The following ETV7 variants were observed in gnomAD, a reference collection of about 807,000 sequenced individuals.
The protein encoded by ETV7 is transcription factor ETV7.
ETV7 carries 43 observed loss-of-function variants against 39.1 expected under a neutral mutation model. That is an observed-to-expected ratio of 1.10 (90% CI 0.86 to 1.42). The LOEUF is 1.42. Ranked by LOEUF, ETV7 falls within the 40% of genes most tolerant of loss-of-function variation. ETV7 has a pLI of 0.00. For missense variants in ETV7, 432 were observed against 442.3 expected (o/e 0.98, Z 0.21); for synonymous variants, 196 against 176.6 (o/e 1.11, Z -0.87).
exon 8 of ETV7, chr6:36,354,104 T>C (rs1286294404): frequency 6.6e-6 from 1 of 152,154 alleles, no homozygotes; most frequent in Non-Finnish European, 1.5e-5. Flanking sequence ...GTTTTTTGTC[T>C]TTTTATTATT....
intron 7 of ETV7, among the ~76,000 whole-genome samples, chr6:36,360,734 G>A (rs992875326): frequency 3.9e-5 from 6 of 152,130 alleles, no homozygotes; most frequent in African/African-American, 1.4e-4. Context: ...CCACAGCCCA[G>A]AATCCCATTT....
chr6:36,356,117 A>C (rs1052390289), intron 7 of ETV7, among the ~76,000 whole-genome samples: 1 of 152,192 alleles, frequency 6.6e-6, no homozygotes, highest in African/African-American at 2.4e-5. Context: ...TTGTCAAAGA[A>C]TTGAAGCAAT....
At chr6:36,372,638 G>C (rs865797567) in intron 4 of ETV7, among the ~76,000 whole-genome samples, 5 of 148,862 alleles carry the variant, frequency 3.4e-5, no homozygotes, top group Middle Eastern at 3.4e-3. Flanking sequence ...GTGGGGGTGG[G>C]GGTAGAAATC....
chr6:36,368,518 C>T (rs992420887), intron 6 of ETV7, among the ~76,000 whole-genome samples: 1 of 152,160 alleles, frequency 6.6e-6, no homozygotes, highest in African/African-American at 2.4e-5. Context: ...CATTCCTCAT[C>T]ATGGGAATGC....
At chr6:36,375,532 T>A (rs1331952529) in intron 3 of ETV7, among the ~76,000 whole-genome samples, 3 of 152,196 alleles carry the variant, frequency 2.0e-5, no homozygotes, top group Non-Finnish European at 2.9e-5. Flanking sequence ...TTTCTCTAGT[T>A]GGTTTTTTGT....
intron 2 of ETV7, among the ~76,000 whole-genome samples, chr6:36,382,302 T>A (rs1773695485): frequency 6.6e-6 from 1 of 152,230 alleles, no homozygotes; most frequent in Admixed American, 6.5e-5. Context: ...TTTCAATTTT[T>A]AAAAATATTT....
intron 4 of ETV7, among the ~76,000 whole-genome samples, chr6:36,371,868 C>G (rs534270127): frequency 2.0e-4 from 30 of 152,378 alleles, no homozygotes; most frequent in African/African-American, 7.0e-4. Context: ...ATCCCATGTC[C>G]TCTCCATTTG....
intron 5 of ETV7, among the ~76,000 whole-genome samples, chr6:36,370,316 C>T (rs140640418): frequency 4.1e-4 from 62 of 152,222 alleles, no homozygotes; most frequent in Admixed American, 7.2e-4. Context: ...GGGTGGATCA[C>T]CTGAGGTCAG....
intron 6 of ETV7, among the ~76,000 whole-genome samples, chr6:36,367,710 G>A (rs1055591503): frequency 7.9e-5 from 12 of 152,048 alleles, no homozygotes; most frequent in African/African-American, 2.7e-4. Context: ...TTTCTCTCTC[G>A]GGGGTAGGCA....
intron 2 of ETV7, 82 bp from the exon 3 acceptor site, chr6:36,376,117 A>G: frequency 5.9e-6 from 8 of 1,347,344 alleles, no homozygotes; most frequent in Middle Eastern, 2.6e-4. Context: ...ATCTGAGCAG[A>G]TGCTCCCCTG....
chr6:36,359,495 G>A (rs189155339), intron 7 of ETV7, among the ~76,000 whole-genome samples: 133 of 152,020 alleles, frequency 8.7e-4, no homozygotes, highest in African/African-American at 3.1e-3. Context: ...GAAAGAAAGG[G>A]GACAGTCTAC....
In ETV7 at chr6:36,360,559, C is replaced by T. The variant is rs138354412; in HGVS notation, c.909-5872G>A. 2.8e-3 allele frequency among the ~76,000 whole-genome samples: 430 copies of T among 152,198 alleles called. 5 individuals carry two copies. Among genetic ancestry groups the T allele is most frequent in the South Asian group, 0.021 (100 of 4,818 alleles). ...AGGGCCTGGATGTCTACTTACAGAGCATGCCTGAGCTGGAGAGTACACATC... is the reference window on the plus strand; with the variant it reads ...AGGGCCTGGATGTCTACTTACAGAGTATGCCTGAGCTGGAGAGTACACATC... On this transcript the variant is annotated intron_variant, in intron 7 of 7. Coordinates refer to the ETV7 transcript ENST00000339796.
Position 36,366,418 on chromosome 6 carries a change from TC to T in ETV7, c.*226del. On this transcript the variant is annotated 3_prime_UTR_variant, in exon 8 of 8. Coordinates refer to ENST00000340181, the MANE Select transcript of ETV7 (RefSeq NM_016135.4). ...AGGGGTGCAGTAGGGGAGAGTCCAT[TC>T]CCCTGTACCTCATTTAGCCCCAGGA... 7.2e-7 allele frequency: 1 copy of T among 1,392,244 alleles called. No homozygotes were observed. The highest frequency in any genetic ancestry group is 1.6e-5 in the South Asian group (1 of 62,134). 86.2% of individuals were successfully genotyped at this position (1,392,244 alleles called of 1,614,324 possible).
chr6:36,367,414 G>A (rs1014126993), intron 6 of ETV7, among the ~76,000 whole-genome samples: 25 of 151,984 alleles, frequency 1.6e-4, no homozygotes, highest in African/African-American at 6.0e-4. Flanking sequence ...CTAGACTACA[G>A]CCTGGGCAAA....
chr6:36,385,984 G>A (rs1331462058), intron 1 of ETV7, among the ~76,000 whole-genome samples: 1 of 152,130 alleles, frequency 6.6e-6, no homozygotes, highest in East Asian at 1.9e-4. Flanking sequence ...TCCCTGGTGA[G>A]GACAACACAG....
downstream of ETV7, among the ~76,000 whole-genome samples, chr6:36,362,975 T>C (rs1487516899): frequency 3.3e-5 from 5 of 152,190 alleles, no homozygotes; most frequent in East Asian, 1.9e-4. Context: ...GGAAATGAGG[T>C]GGCTTCAGGA....
chr6:36,354,316 G>T, exon 8 of ETV7: 2 of 173,902 alleles, frequency 1.2e-5, no homozygotes, highest in Non-Finnish European at 2.4e-5. Flanking sequence ...TTATATTTAA[G>T]ACACAATGGC....
At position 36,371,359 on chromosome 6, in the gene ETV7, G is replaced by C. The variant is rs2234079; in HGVS notation, c.635C>G (p.Pro212Arg). Reference protein sequence around the residue: ...TQGVCSFPAMPQAPIDGRIAD... With the variant: ...TQGVCSFPAMRQAPIDGRIAD... ...GATCCTGCCGTCAATGGGGGCCTGC[G>C]GCATCGCGGGGAAGGAACAGACCCC... The change falls in exon 5 of 8, where the codon CCG becomes CGG. Residue 212 changes from proline (P) to arginine (R), a missense_variant. Transcript: ENST00000340181. The C allele has an allele frequency of 6.3e-7, 1 of 1,595,460 alleles. No homozygotes were observed.
At chr6:36,379,560 AAAGAAGAAGAAGAAG>A (rs145420270) in intron 2 of ETV7, among the ~76,000 whole-genome samples, 1 of 143,808 alleles carries the variant, frequency 7.0e-6, no homozygotes, top group African/African-American at 2.6e-5. Context: ...AAAAAAAAAA[AAAGAAGAAGAAGAAG>A]AAGAAGAAGA....
Sources: allele counts gnomAD v4.1 joint callset (sites outside exome capture counted in the v4.1 genomes callset), GRCh38; gene constraint gnomAD v4.1.1; transcripts MANE v1.5; gene names NCBI Gene and HGNC (gene_info 2026-07-23, HGNC 2026-07-21).